PHYHIP: variants seen among roughly 807,000 people sequenced by gnomAD.
PHYHIP encodes the protein phytanoyl-CoA hydroxylase-interacting protein.
In PHYHIP, 7 loss-of-function variants were observed where a neutral mutation model predicts 26.1. The ratio of observed to expected loss-of-function variants is 0.27; its 90% CI spans 0.15 to 0.50. The LOEUF is 0.50. PHYHIP is among the 20% of genes least tolerant of loss of function. PHYHIP has a pLI of 0.98. For missense variants in PHYHIP, 232 were observed against 454.7 expected, an observed-to-expected ratio of 0.51 and a Z score of 4.45; for synonymous variants, 206 against 183.4, an observed-to-expected ratio of 1.12 and a Z score of -1.00.
In PHYHIP at chr8:22,221,436, C is replaced by G; in HGVS notation, c.910G>C (p.Gly304Arg). ...LSLGTLGEIS[G>R]HQLMSLSTAD... Reference sequence around the variant, plus strand: ...GTAGACAGACTCATGAGCTGGTGCCCACTGATCTCCCCCAGGGTGCCCAGG... The same window carrying G: ...GTAGACAGACTCATGAGCTGGTGCCGACTGATCTCCCCCAGGGTGCCCAGG... Residue 304 changes from glycine (G) to arginine (R), a missense_variant, in exon 5 of 5, where the codon GGG becomes CGG. Gly to Arg is a moderately radical substitution (Grantham distance 125, BLOSUM62 -2). Transcript: ENST00000454243. This position sits in a 1 kb window ranked among gnomAD's most constrained non-coding sequence, Gnocchi z 7.9. The G allele has an allele frequency of 6.2e-7, 1 of 1,614,046 alleles. No individual in the cohort carries two copies. Among genetic ancestry groups the G allele is most frequent in the Non-Finnish European group, 8.5e-7 (1 of 1,179,970 alleles).
intron 3 of PHYHIP, among the ~76,000 whole-genome samples, chr8:22,224,631 C>A (rs1341218312): frequency 6.6e-6 from 1 of 152,248 alleles, no homozygotes; most frequent in Admixed American, 6.5e-5. Flanking sequence ...GCCCAGTTAT[C>A]CTGCCAGGGT....
intron 1 of PHYHIP, 56 bp from the exon 2 acceptor site, chr8:22,228,442 T>C: frequency 4.0e-6 from 4 of 1,011,642 alleles, no homozygotes; most frequent in Non-Finnish European, 3.0e-6. Context: ...CTTTCTGGAA[T>C]GTCCTCCTCC....
chr8:22,221,358 G>A lies in PHYHIP; in HGVS notation c.988C>T (p.Arg330Cys). 1 of 1,579,170 alleles carries A rather than the reference G, an allele frequency of 6.3e-7. No individual in the cohort carries two copies. Among genetic ancestry groups the A allele is most frequent in the Non-Finnish European group, 8.6e-7 (1 of 1,157,794 alleles). ...CCCCAGCTCCCCAGGAGTCCCTAGC[G>A]GCCCACGCTGATGTTGCAGGTCTTG... ...SCKTCNISVG[R>C] Residue 330 changes from arginine (R) to cysteine (C), a missense_variant, in exon 5 of 5, where the codon CGC becomes TGC. Arg to Cys is a radical substitution (Grantham distance 180, BLOSUM62 -3). Coordinates refer to ENST00000454243, the MANE Select transcript of PHYHIP (RefSeq NM_014759.5). The surrounding 1 kb of genome is among the most constrained non-coding windows in gnomAD (Gnocchi z 7.9).
intron 1 of PHYHIP, among the ~76,000 whole-genome samples, chr8:22,230,649 C>T (rs1477697451): frequency 1.3e-5 from 2 of 152,146 alleles, no homozygotes; most frequent in African/African-American, 4.8e-5. Flanking sequence ...CAGGCACGCA[C>T]GCGCATACAC....
Position 22,224,294 on chromosome 8 carries a change from G to A in PHYHIP, c.390C>T (p.Ile130=), listed in dbSNP as rs756784392. Residue 130 remains isoleucine (I), a synonymous_variant, in exon 4 of 5, where the codon ATC becomes ATT. Coordinates refer to ENST00000454243, the MANE Select transcript of PHYHIP (RefSeq NM_014759.5). The part of the protein sequence containing the change: ...LAQLQEKAEQ[I]AGRMLRFSVF... ...CGGAGAAGCGGAGCATGCGGCCTGCGATCTGCTCAGCTTTCTCCTGAAGCT... is the reference window on the plus strand; with the variant it reads ...CGGAGAAGCGGAGCATGCGGCCTGCAATCTGCTCAGCTTTCTCCTGAAGCT... The A allele has an allele frequency of 4.0e-5, 64 of 1,612,408 alleles. No individual in the cohort carries two copies. In the Middle Eastern group the frequency reaches 4.9e-4, roughly 12 times the overall value.
chr8:22,227,611 C>G, intron 2 of PHYHIP: 1 of 456,360 alleles, frequency 2.2e-6, no homozygotes. Flanking sequence ...CTCCCACCCA[C>G]CCCCACACTG....
At chr8:22,227,726 C>T in intron 2 of PHYHIP, 1 of 457,156 alleles carries the variant, frequency 2.2e-6, no homozygotes, top group South Asian at 1.5e-5. Context: ...AGAGGGAGAA[C>T]TGAGGCCACA....
intron 3 of PHYHIP, among the ~76,000 whole-genome samples, chr8:22,226,341 T>C (rs564872845): frequency 6.6e-6 from 1 of 151,920 alleles, no homozygotes; most frequent in African/African-American, 2.4e-5. Flanking sequence ...CCTAGAGGAG[T>C]CATATTCATA....
In PHYHIP at chr8:22,228,666, C is replaced by T. The variant is rs150635987; in HGVS notation, c.-29-280G>A. 1.8e-3 allele frequency: 368 copies of T among 199,970 alleles called. 3 individuals carry two copies. Among genetic ancestry groups the T allele is most frequent in the Non-Finnish European group, 3.2e-3 (323 of 100,342 alleles). 12.4% of individuals were successfully genotyped at this position (199,970 alleles called of 1,614,324 possible). A position where few individuals can be genotyped will look rare whatever the true frequency, so the allele number is the denominator to read the frequency against. Reference sequence around the variant, plus strand: ...GCAGTGGGAATGCTGCAAAGCCGGGCGGGGACAGATTTGCAGCAGATGGAG... The same window carrying T: ...GCAGTGGGAATGCTGCAAAGCCGGGTGGGGACAGATTTGCAGCAGATGGAG... On this transcript the variant is annotated intron_variant, in intron 1 of 4. Transcript: ENST00000454243.
In PHYHIP at chr8:22,226,831, G is replaced by C. The variant is rs1403293163; in HGVS notation, c.340+20C>G. ...CGACGTGCCAAGCAGCAGGACAGGGGTGTGATAGCAGGGCCTCACCCCCAG... is the reference window on the plus strand; with the variant it reads ...CGACGTGCCAAGCAGCAGGACAGGGCTGTGATAGCAGGGCCTCACCCCCAG... On this transcript the variant is annotated intron_variant, in intron 3 of 4. Coordinates refer to ENST00000454243, the MANE Select transcript of PHYHIP (RefSeq NM_014759.5). 2 of 1,601,772 alleles carry C rather than the reference G, an allele frequency of 1.2e-6. No individual in the cohort carries two copies. Among genetic ancestry groups the C allele is most frequent in the East Asian group, 4.5e-5 (2 of 44,628 alleles).
chr8:22,229,075 A>G (rs184613774), intron 1 of PHYHIP, among the ~76,000 whole-genome samples: 4 of 152,194 alleles, frequency 2.6e-5, no homozygotes, highest in African/African-American at 7.2e-5. Flanking sequence ...GACTTTTAAC[A>G]TTAACATCTA....
chr8:22,230,726 C>G (rs989804407), intron 1 of PHYHIP, among the ~76,000 whole-genome samples: 2 of 152,102 alleles, frequency 1.3e-5, no homozygotes, highest in African/African-American at 4.8e-5. Context: ...TCCCACACAC[C>G]CATCTCCACA....
chr8:22,227,765 C>T (rs554899097), intron 2 of PHYHIP: 15 of 457,304 alleles, frequency 3.3e-5, no homozygotes, highest in African/African-American at 2.2e-4. Flanking sequence ...GACCGAGGCC[C>T]GTGTGGCCCA....
chr8:22,224,821 G>A (rs1829710314), intron 3 of PHYHIP, among the ~76,000 whole-genome samples: 1 of 152,206 alleles, frequency 6.6e-6, no homozygotes, highest in African/African-American at 2.4e-5. Flanking sequence ...GGCTCGTGAG[G>A]GTCTAGGGAG....
At chr8:22,228,593 C>G (rs1050772109) in intron 1 of PHYHIP, 10 of 476,868 alleles carry the variant, frequency 2.1e-5, no homozygotes, top group African/African-American at 5.8e-5. Flanking sequence ...GCTCTTTGCT[C>G]TCCTCGGAGG....
At chr8:22,229,358 A>AT (rs1175088270) in intron 1 of PHYHIP, among the ~76,000 whole-genome samples, 1 of 151,988 alleles carries the variant, frequency 6.6e-6, no homozygotes, top group Non-Finnish European at 1.5e-5. Flanking sequence ...TCCACCTGGC[A>AT]TTTTTCCTCC....
chr8:22,231,194 C>T (rs1210361894), intron 1 of PHYHIP, among the ~76,000 whole-genome samples: 1 of 152,112 alleles, frequency 6.6e-6, no homozygotes, highest in Non-Finnish European at 1.5e-5. Flanking sequence ...CTCTGGGTCT[C>T]ACCTCCCCAT....
chr8:22,231,403 C>T (rs1829862726), intron 1 of PHYHIP, among the ~76,000 whole-genome samples: 1 of 152,370 alleles, frequency 6.6e-6, no homozygotes, highest in South Asian at 2.1e-4. Flanking sequence ...CACACATGAG[C>T]ATGACTGCGG....
intron 3 of PHYHIP, among the ~76,000 whole-genome samples, chr8:22,224,591 G>A (rs984846630): frequency 1.8e-4 from 27 of 152,218 alleles, no homozygotes; most frequent in Non-Finnish European, 3.4e-4. Flanking sequence ...GAGGCTCCGG[G>A]CTCTCCGGGT....
Sources: allele counts gnomAD v4.1 joint callset (sites outside exome capture counted in the v4.1 genomes callset), GRCh38; gene constraint gnomAD v4.1.1; non-coding constraint Gnocchi (gnomAD v3.1); transcripts MANE v1.5; gene names NCBI Gene and HGNC (gene_info 2026-07-23, HGNC 2026-07-21).